Variants in PHACTR4 observed in about 807,000 individuals in gnomAD.
PHACTR4 encodes the protein phosphatase and actin regulator 4.
Under a neutral mutation model 72.7 loss-of-function variants are expected in PHACTR4, and 51 were observed. The ratio of observed to expected loss-of-function variants is 0.70; its 90% confidence interval spans 0.56 to 0.89. The LOEUF is 0.89. Among genes scored for constraint, PHACTR4 ranks in the 40% least tolerant of loss-of-function variants. PHACTR4 has a pLI of 0.00. For missense variants in PHACTR4, 731 were observed against 861.8 expected, an observed-to-expected ratio of 0.85 and a Z score of 1.90; for synonymous variants, 255 against 302.5, an observed-to-expected ratio of 0.84 and a Z score of 1.63.
chr1:28,461,213 G>A (rs2124472933), intron 4 of PHACTR4, among the ~76,000 whole-genome samples: 1 of 152,040 alleles, frequency 6.6e-6, no homozygotes, highest in East Asian at 2.0e-4. Flanking sequence ...GCCGAGACGG[G>A]CAGAACACTT....
At chr1:28,400,965 T>C (rs1653901384) in intron 1 of PHACTR4, among the ~76,000 whole-genome samples, 1 of 152,188 alleles carries the variant, frequency 6.6e-6, no homozygotes, top group African/African-American at 2.4e-5. Context: ...CTTGTTCCCA[T>C]GGCTGTCTTG....
At chr1:28,454,363 A>G (rs145056497) in intron 2 of PHACTR4, among the ~76,000 whole-genome samples, 15,210 of 133,876 alleles carry the variant, frequency 0.11, 1,825 homozygotes, top group African/African-American at 0.32. Context: ...TGCAAGCTCC[A>G]CCTCCCGGGT....
At chr1:28,387,928 A>G (rs1403997147) in intron 1 of PHACTR4, among the ~76,000 whole-genome samples, 1 of 151,052 alleles carries the variant, frequency 6.6e-6, no homozygotes, top group Non-Finnish European at 1.5e-5. Context: ...GGGTTTCTCC[A>G]TGTTGGCCAG....
chr1:28,434,177 G>A (rs1178369592), intron 2 of PHACTR4, among the ~76,000 whole-genome samples: 1 of 152,170 alleles, frequency 6.6e-6, no homozygotes, highest in Non-Finnish European at 1.5e-5. Flanking sequence ...TTATACAAGA[G>A]TTTCAGTAAG....
intron 9 of PHACTR4, among the ~76,000 whole-genome samples, chr1:28,486,685 G>A (rs895315687): frequency 6.6e-6 from 1 of 151,972 alleles, no homozygotes; most frequent in African/African-American, 2.4e-5. Flanking sequence ...TGACCAACAT[G>A]CTGAAACCCC....
chr1:28,440,539 A>G (rs1656950938), intron 2 of PHACTR4, among the ~76,000 whole-genome samples: 1 of 150,778 alleles, frequency 6.6e-6, no homozygotes. Context: ...GAAATTCATC[A>G]ATTCTATTCC....
intron 8 of PHACTR4, among the ~76,000 whole-genome samples, chr1:28,479,841 T>C (rs34556227): frequency 0.1 from 15,823 of 152,038 alleles, 1,902 homozygotes; most frequent in African/African-American, 0.3. Flanking sequence ...TGCAATGAGC[T>C]GAAATCGTGA....
intron 2 of PHACTR4, chr1:28,438,237 T>C (rs1463735418): frequency 5.0e-6 from 7 of 1,395,468 alleles, no homozygotes; most frequent in Non-Finnish European, 6.5e-6. Context: ...CTTCAGCAGA[T>C]GAACTGACCT....
chr1:28,476,772 C>CTTGTTTTTTTTTTTTTTTT (rs1659947799), intron 8 of PHACTR4, among the ~76,000 whole-genome samples: 1 of 98,438 alleles, frequency 1.0e-5, no homozygotes, highest in Non-Finnish European at 2.0e-5. Context: ...CTAGCCTGTT[C>CTTGTTTTTTTTTTTTTTTT]TTTTTTTTTT....
chr1:28,465,184 C>T (rs951754235), intron 4 of PHACTR4, among the ~76,000 whole-genome samples: 1 of 151,958 alleles, frequency 6.6e-6, no homozygotes, highest in Admixed American at 6.6e-5. Context: ...AACCCTGGGC[C>T]GGGCACGGTG....
At chr1:28,408,265 A>G (rs1175453840) in intron 2 of PHACTR4, among the ~76,000 whole-genome samples, 1 of 151,986 alleles carries the variant, frequency 6.6e-6, no homozygotes, top group Non-Finnish European at 1.5e-5. Flanking sequence ...CCAATGGAAG[A>G]TAACATGAAA....
At chr1:28,417,484 C>T (rs1239454575) in intron 2 of PHACTR4, among the ~76,000 whole-genome samples, 4 of 152,068 alleles carry the variant, frequency 2.6e-5, no homozygotes, top group Non-Finnish European at 5.9e-5. Flanking sequence ...GATATGGCAA[C>T]TGAGATGGCT....
intron 4 of PHACTR4, among the ~76,000 whole-genome samples, chr1:28,465,428 C>G (rs1267028869): frequency 6.6e-6 from 1 of 152,112 alleles, no homozygotes; most frequent in Admixed American, 6.6e-5. Flanking sequence ...CCACTGCACT[C>G]CAGCCTGGTC....
At chr1:28,373,580 A>C (rs1437911776) in intron 1 of PHACTR4, among the ~76,000 whole-genome samples, 1 of 152,034 alleles carries the variant, frequency 6.6e-6, no homozygotes, top group African/African-American at 2.4e-5. Context: ...GTCAGCCATC[A>C]CGCCTGGCCC....
At chr1:28,398,835 T>A (rs531017624) in intron 1 of PHACTR4, among the ~76,000 whole-genome samples, 79 of 150,110 alleles carry the variant, frequency 5.3e-4, no homozygotes, top group African/African-American at 1.8e-3. Flanking sequence ...GAAAAAAAAA[T>A]TTAATTAATT....
chr1:28,389,001 C>CA (rs1178679243), intron 1 of PHACTR4, among the ~76,000 whole-genome samples: 1 of 151,922 alleles, frequency 6.6e-6, no homozygotes, highest in East Asian at 1.9e-4. Context: ...CAACAAAAAG[C>CA]AAAAATAGTC....
intron 2 of PHACTR4, among the ~76,000 whole-genome samples, chr1:28,439,238 T>G (rs1308780587): frequency 6.6e-6 from 1 of 152,192 alleles, no homozygotes; most frequent in Non-Finnish European, 1.5e-5. Flanking sequence ...GATTTATACC[T>G]TCACTTTGAT....
At chr1:28,404,205 C>T (rs1654146029) in intron 1 of PHACTR4, among the ~76,000 whole-genome samples, 5 of 151,820 alleles carry the variant, frequency 3.3e-5, no homozygotes, top group Non-Finnish European at 5.9e-5. Flanking sequence ...CTGCCTTGTC[C>T]TCCCAAAGTG....
Position 28,497,604 on chromosome 1 carries a change from G to A in PHACTR4, c.*1055G>A, listed in dbSNP as rs551541113. On this transcript the variant is annotated 3_prime_UTR_variant, in exon 14 of 14. Coordinates refer to ENST00000373839, the MANE Select transcript of PHACTR4 (RefSeq NM_001048183.3). The stretch of plus-strand genomic sequence containing the variant: ...TTCTATATACAAAAACAAGAAAGGC[G>A]TTTTGAGCCCCTGTGCTCAGGCCCA... The A allele has an allele frequency of 6.9e-6, 1 of 144,966 alleles. No individual in the cohort carries two copies. The highest frequency in any genetic ancestry group is 1.5e-5 in the Non-Finnish European group (1 of 66,866). The allele number at this position is 144,966 out of a possible 1,614,324, so 9.0% of individuals were successfully genotyped here. A position where few individuals can be genotyped will look rare whatever the true frequency, so the allele number is the denominator to read the frequency against.
Sources: allele counts gnomAD v4.1 joint callset (sites outside exome capture counted in the v4.1 genomes callset), GRCh38; gene constraint gnomAD v4.1.1; transcripts MANE v1.5; gene names NCBI Gene and HGNC (gene_info 2026-07-23, HGNC 2026-07-21).